UST: variants seen among roughly 807,000 people sequenced by gnomAD.
The protein encoded by UST is chondroitin sulfate 2-O-sulfotransferase.
A neutral mutation model predicts 45.6 loss-of-function variants in UST; 21 were observed. That is an observed-to-expected ratio of 0.46 (90% CI 0.33 to 0.66). UST has a LOEUF of 0.66. Ranked by LOEUF, UST falls within the 30% of genes least tolerant of loss-of-function variation. The pLI, the probability that UST is intolerant of heterozygous loss-of-function variation, is 0.02. For missense variants in UST, 463 were observed against 512.4 expected (o/e 0.90, Z 0.93); for synonymous variants, 215 against 200.6 (o/e 1.07, Z -0.61).
chr6:149,012,008 G>T (rs1345386167), intron 5 of UST, among the ~76,000 whole-genome samples: 3 of 152,238 alleles, frequency 2.0e-5, no homozygotes, highest in Non-Finnish European at 4.4e-5. Flanking sequence ...AAACTCAGAA[G>T]TAGTGTAAAG....
At chr6:148,971,717 G>A (rs1038628748) in intron 5 of UST, among the ~76,000 whole-genome samples, 3 of 152,220 alleles carry the variant, frequency 2.0e-5, no homozygotes, top group African/African-American at 7.2e-5. Context: ...TGGGTGCAGT[G>A]ATGTGGGCAG....
chr6:149,043,218 C>T (rs1776350510), intron 7 of UST, among the ~76,000 whole-genome samples: 1 of 151,664 alleles, frequency 6.6e-6, no homozygotes, highest in Middle Eastern at 3.2e-3. Context: ...AAATTCTGTC[C>T]TCCTGCCTCA....
chr6:149,016,774 G>A (rs528517637), intron 5 of UST, among the ~76,000 whole-genome samples: 156 of 152,226 alleles, frequency 1.0e-3, no homozygotes, highest in African/African-American at 2.4e-3. Flanking sequence ...ACTTTACTCC[G>A]TCCTTCTTTG....
chr6:148,835,703 TG>T (rs543661080), intron 1 of UST, among the ~76,000 whole-genome samples: 1 of 152,142 alleles, frequency 6.6e-6, no homozygotes, highest in Non-Finnish European at 1.5e-5. Flanking sequence ...CCATGACTTG[TG>T]GGGGGCTTTA....
At chr6:148,760,702 A>G (rs575629721) in intron 1 of UST, among the ~76,000 whole-genome samples, 2 of 151,946 alleles carry the variant, frequency 1.3e-5, no homozygotes, top group African/African-American at 2.4e-5. Context: ...CCCCATAACC[A>G]TAGCAAAACA....
intron 1 of UST, among the ~76,000 whole-genome samples, chr6:148,878,529 G>A (rs1281470199): frequency 1.0e-4 from 12 of 117,620 alleles, no homozygotes; most frequent in Non-Finnish European, 2.1e-4. Context: ...GTGTATGAGT[G>A]CGGGGGGTCA....
chr6:148,989,212 C>T (rs1034036107), intron 5 of UST, among the ~76,000 whole-genome samples: 31 of 65,588 alleles, frequency 4.7e-4, no homozygotes, highest in African/African-American at 2.1e-3. Context: ...AGTAAAGGCC[C>T]CCCCCCACCC....
In UST at chr6:148,941,453, T is replaced by C; in HGVS notation, c.447+19T>C. The C allele has an allele frequency of 6.3e-7, 1 of 1,575,788 alleles. No individual in the cohort carries two copies. On this transcript the variant is annotated intron_variant, in intron 3 of 7. Transcript: ENST00000367463. ...TGAACAAGTAAGTTGACTTTGCACA[T>C]TGTTAAATTGTGTTTTGCTTCAGCT...
intron 5 of UST, among the ~76,000 whole-genome samples, chr6:148,982,879 T>C (rs1781166571): frequency 6.6e-6 from 1 of 152,218 alleles, no homozygotes; most frequent in African/African-American, 2.4e-5. Context: ...TGGGGCAAGA[T>C]ATTATTTGTT....
At chr6:148,768,804 C>T (rs949136706) in intron 1 of UST, among the ~76,000 whole-genome samples, 5 of 152,174 alleles carry the variant, frequency 3.3e-5, no homozygotes, top group African/African-American at 1.2e-4. Context: ...TAAATTTTGG[C>T]AGTGGGAGTG....
At chr6:149,066,670 CTGT>C (rs938412702) in intron 7 of UST, among the ~76,000 whole-genome samples, 10 of 152,110 alleles carry the variant, frequency 6.6e-5, no homozygotes, top group African/African-American at 2.2e-4. Context: ...ACGAGACAAT[CTGT>C]TGTTATTGGA....
chr6:148,908,818 C>G (rs1402810917), intron 2 of UST, among the ~76,000 whole-genome samples: 1 of 152,034 alleles, frequency 6.6e-6, no homozygotes, highest in African/African-American at 2.4e-5. Flanking sequence ...TCAAAAAGAA[C>G]AAAATATTTT....
chr6:149,005,473 A>C, intron 5 of UST: 1 of 985,362 alleles, frequency 1.0e-6, no homozygotes, highest in African/African-American at 1.7e-5. Context: ...CCTCTCACCA[A>C]ATTGACAGTG....
chr6:148,967,107 TG>T (rs1277562015), intron 5 of UST, among the ~76,000 whole-genome samples: 1 of 152,202 alleles, frequency 6.6e-6, no homozygotes, highest in East Asian at 1.9e-4. Flanking sequence ...GTTATATTTT[TG>T]AAGAGCTGGT....
intron 2 of UST, among the ~76,000 whole-genome samples, chr6:148,923,190 C>T (rs1231370946): frequency 3.9e-5 from 6 of 152,208 alleles, no homozygotes; most frequent in African/African-American, 1.4e-4. Flanking sequence ...ATCTGCTTAT[C>T]ATTTCATGGG....
chr6:148,883,037 G>A (rs13213395), intron 1 of UST, among the ~76,000 whole-genome samples: 5,646 of 152,248 alleles, frequency 0.037, 123 homozygotes, highest in Middle Eastern at 0.11. Flanking sequence ...ATGCGTATCC[G>A]CGCATCTCAA....
At position 148,957,482 on chromosome 6, in the gene UST, G is replaced by A. The variant is rs143943379; in HGVS notation, c.527+3531G>A. ...TTTTGAGATGGAGTCTTACTCTGTC[G>A]CCCAGGCTGGAGTGCAGCGGTGCAA... is the stretch of plus-strand genomic sequence containing the variant. On this transcript the variant is annotated intron_variant, in intron 4 of 7. Transcript: ENST00000367463. Among the ~76,000 whole-genome samples the A allele has an allele frequency of 1.2e-4, 19 of 152,174 alleles. No individual in the cohort carries two copies. The East Asian group carries it at 2.5e-3, about 20-fold the overall frequency.
intron 2 of UST, among the ~76,000 whole-genome samples, chr6:148,904,562 C>G (rs572436276): frequency 3.3e-5 from 5 of 152,202 alleles, no homozygotes; most frequent in African/African-American, 1.2e-4. Flanking sequence ...CTCACTCTGT[C>G]ACCCAGGCTG....
chr6:148,954,081 A>AC, intron 4 of UST, 130 bp downstream of exon 4: 1 of 569,804 alleles, frequency 1.8e-6, no homozygotes, highest in Non-Finnish European at 2.8e-6. Context: ...TATTTTTGCT[A>AC]CGGAGGGATC....
Sources: gnomAD v4.1 joint callset for allele counts (sites outside exome capture counted in the v4.1 genomes callset) on GRCh38, gnomAD v4.1.1 for gene constraint, MANE v1.5 for transcripts, NCBI Gene and HGNC (gene_info 2026-07-23, HGNC 2026-07-21) for gene names.